LRRC72: variants seen among roughly 807,000 people sequenced by gnomAD.
LRRC72 encodes leucine-rich repeat-containing protein 72.
In LRRC72, 41 loss-of-function variants were observed where a neutral mutation model predicts 35.8. That is an observed-to-expected ratio of 1.15 (90% CI 0.89 to 1.49). The LOEUF (loss-of-function observed/expected upper bound fraction) is 1.49, where lower values mean the gene tolerates loss of function less well. Ranked by LOEUF, LRRC72 falls within the 40% of genes most tolerant of loss-of-function variation. The pLI is 0.00. For synonymous variants in LRRC72, 118 were observed against 119.2 expected, an observed-to-expected ratio of 0.99 and a Z score of 0.07; for missense variants, 389 against 330.7, an observed-to-expected ratio of 1.18 and a Z score of -1.37.
chr7:16,575,516 C>G (rs1374697140), intron 7 of LRRC72, among the ~76,000 whole-genome samples: 1 of 152,186 alleles, frequency 6.6e-6, no homozygotes, highest in South Asian at 2.1e-4. Flanking sequence ...AATACCAGAT[C>G]TGCTAATAAT....
At chr7:16,579,432 C>T (rs997997482) in intron 7 of LRRC72, among the ~76,000 whole-genome samples, 1 of 152,126 alleles carries the variant, frequency 6.6e-6, no homozygotes, top group Non-Finnish European at 1.5e-5. Context: ...GTGGGCTTCT[C>T]TGGCACAACA....
At chr7:16,539,382 C>T (rs1782316718) in intron 3 of LRRC72, among the ~76,000 whole-genome samples, 1 of 152,154 alleles carries the variant, frequency 6.6e-6, no homozygotes, top group Non-Finnish European at 1.5e-5. Flanking sequence ...GTGTTCAAGA[C>T]ATAACCTGGC....
intron 1 of LRRC72, among the ~76,000 whole-genome samples, 195 bp downstream of exon 1, chr7:16,527,237 T>G (rs908226769): frequency 1.3e-5 from 2 of 152,172 alleles, no homozygotes; most frequent in Non-Finnish European, 2.9e-5. Context: ...AAAATTGGGA[T>G]GTGAACAGCT....
intron 5 of LRRC72, among the ~76,000 whole-genome samples, chr7:16,565,029 TGAA>T (rs746328072): frequency 8.5e-5 from 13 of 152,178 alleles, no homozygotes; most frequent in Non-Finnish European, 1.3e-4. Flanking sequence ...TTTTATTGAG[TGAA>T]GGAGTTGTGC....
chr7:16,531,318 C>T (rs1047830123), intron 1 of LRRC72, among the ~76,000 whole-genome samples: 2 of 152,158 alleles, frequency 1.3e-5, no homozygotes, highest in Non-Finnish European at 1.5e-5. Flanking sequence ...GATGGCAATG[C>T]CTAAACCTGA....
chr7:16,550,257 A>G (rs907672963), intron 3 of LRRC72, among the ~76,000 whole-genome samples: 2 of 152,102 alleles, frequency 1.3e-5, no homozygotes, highest in Admixed American at 6.6e-5. Context: ...TGAGAACTGA[A>G]GTATAGCAAT....
chr7:16,575,902 A>G (rs2128339224), intron 7 of LRRC72, among the ~76,000 whole-genome samples: 1 of 152,292 alleles, frequency 6.6e-6, no homozygotes, highest in Middle Eastern at 3.4e-3. Context: ...TGTGATCCCT[A>G]CCTTTAGGGA....
intron 7 of LRRC72, among the ~76,000 whole-genome samples, chr7:16,569,158 T>C (rs1331202580): frequency 6.6e-6 from 1 of 152,188 alleles, no homozygotes; most frequent in Non-Finnish European, 1.5e-5. Context: ...CCAGGTGCGG[T>C]GGTTCACACC....
intron 3 of LRRC72, among the ~76,000 whole-genome samples, chr7:16,541,740 C>T (rs952759932): frequency 6.6e-6 from 1 of 152,200 alleles, no homozygotes; most frequent in Non-Finnish European, 1.5e-5. Context: ...GGTGAAACTC[C>T]GTCTCTACTA....
intron 1 of LRRC72, 131 bp from the exon 2 acceptor site, chr7:16,532,364 A>G (rs1369707253): frequency 1.6e-6 from 1 of 624,884 alleles, no homozygotes; most frequent in African/African-American, 1.8e-5. Context: ...GGAATTTATC[A>G]GTTTAGAATG....
chr7:16,544,930 C>G (rs115493219), intron 3 of LRRC72, among the ~76,000 whole-genome samples: 1 of 151,710 alleles, frequency 6.6e-6, no homozygotes, highest in Non-Finnish European at 1.5e-5. Context: ...ACGCTTCTGG[C>G]GAAGTCATTG....
chr7:16,537,890 T>C (rs1422727598), intron 3 of LRRC72, among the ~76,000 whole-genome samples, 194 bp downstream of exon 3: 1 of 152,176 alleles, frequency 6.6e-6, no homozygotes, highest in African/African-American at 2.4e-5. Flanking sequence ...ACACATGAGA[T>C]ACATTGAATA....
intron 6 of LRRC72, 137 bp from the exon 7 acceptor site, chr7:16,567,254 T>G: frequency 1.3e-5 from 8 of 630,068 alleles, no homozygotes; most frequent in Non-Finnish European, 1.8e-5. Context: ...GATAGCCCCT[T>G]TACAAAACAG....
intron 7 of LRRC72, among the ~76,000 whole-genome samples, chr7:16,569,864 C>T (rs1396611626): frequency 2.6e-5 from 4 of 151,928 alleles, no homozygotes; most frequent in Non-Finnish European, 5.9e-5. Context: ...AACCCAGTCT[C>T]TATTAAAAAT....
Position 16,566,402 on chromosome 7 carries a change from C to T in LRRC72, c.517C>T (p.Gln173Ter), listed in dbSNP as rs780558703. 1.0e-5 allele frequency: 16 copies of T among 1,534,430 alleles called. No individual in the cohort carries two copies. In the African/African-American group the frequency reaches 1.5e-4, roughly 15 times the overall value. The change falls in exon 6 of 9, where the codon CAA (glutamine) becomes TAA (stop). Residue 173 changes from glutamine (Q) to a stop codon, truncating the protein, a stop_gained and splice_region_variant. Transcript: ENST00000401542. LOFTEE classifies it high-confidence loss of function. ...LPGVELLDRNQVTEKERRSMI... is the reference protein window; with the variant it reads ...LPGVELLDRN ...AGGAGTGGAGCTGCTTGACCGAAAT[C>T]GTAAGGACCCTTCCTTCTTGCAAAG... is the stretch of plus-strand genomic sequence containing the variant.
chr7:16,538,204 A>G (rs1782296110), intron 3 of LRRC72, among the ~76,000 whole-genome samples: 3 of 152,200 alleles, frequency 2.0e-5, no homozygotes, highest in Admixed American at 1.3e-4. Flanking sequence ...TTTATTAACT[A>G]GAAAGCCATG....
chr7:16,557,999 G>A (rs57376357), intron 4 of LRRC72, among the ~76,000 whole-genome samples: 35,430 of 151,812 alleles, frequency 0.23, 4,942 homozygotes, highest in African/African-American at 0.37. Flanking sequence ...GTCATGCACC[G>A]CTAAGAAAGA....
chr7:16,542,896 T>G (rs1782380734), intron 3 of LRRC72, among the ~76,000 whole-genome samples: 1 of 152,208 alleles, frequency 6.6e-6, no homozygotes, highest in Non-Finnish European at 1.5e-5. Context: ...ATTTCTAAAA[T>G]CACTATCACT....
chr7:16,531,022 C>T (rs1782151828), intron 1 of LRRC72, among the ~76,000 whole-genome samples: 2 of 151,960 alleles, frequency 1.3e-5, no homozygotes, highest in South Asian at 4.2e-4. Context: ...CATGGTGAAA[C>T]CCCATCTCTA....
Sources: gnomAD v4.1 joint callset for allele counts (sites outside exome capture counted in the v4.1 genomes callset) on GRCh38, gnomAD v4.1.1 for gene constraint, MANE v1.5 for transcripts, NCBI Gene and HGNC (gene_info 2026-07-23, HGNC 2026-07-21) for gene names.